The following CNTN4 variants were observed in gnomAD, a reference collection of about 807,000 sequenced individuals.
CNTN4 encodes contactin-4.
In CNTN4, 77 loss-of-function variants were observed where a neutral mutation model predicts 122.5. The ratio of observed to expected loss-of-function variants is 0.63; its 90% CI spans 0.52 to 0.76. CNTN4 has a LOEUF of 0.76. Ranked by LOEUF, CNTN4 falls within the 30% of genes least tolerant of loss-of-function variation. The probability of loss-of-function intolerance (pLI) is 0.00; values close to 1 mark genes in which losing one functional copy is unlikely to be tolerated. For missense variants in CNTN4, 1,256 were observed against 1,259.1 expected, an observed-to-expected ratio of 1.00 and a Z score of 0.04; for synonymous variants, 512 against 447.0, an observed-to-expected ratio of 1.15 and a Z score of -1.83.
chr3:2,506,265 T>G (rs1173631972), intron 3 of CNTN4, among the ~76,000 whole-genome samples: 1 of 152,152 alleles, frequency 6.6e-6, no homozygotes, highest in East Asian at 1.9e-4. Flanking sequence ...GAAAAGCCTC[T>G]GCTATCTACC....
At chr3:2,719,173 A>G (rs920355310) in intron 4 of CNTN4, among the ~76,000 whole-genome samples, 1 of 152,202 alleles carries the variant, frequency 6.6e-6, no homozygotes, top group African/African-American at 2.4e-5. Context: ...TACATGTGAA[A>G]CACGGTACGT....
intron 4 of CNTN4, among the ~76,000 whole-genome samples, chr3:2,712,567 G>C (rs1241732766): frequency 3.3e-5 from 5 of 152,178 alleles, no homozygotes; most frequent in Non-Finnish European, 7.3e-5. Flanking sequence ...AATAAACAGG[G>C]TGTAATGTTG....
intron 4 of CNTN4, among the ~76,000 whole-genome samples, chr3:2,634,206 C>G (rs1466849173): frequency 6.6e-6 from 1 of 152,152 alleles, no homozygotes; most frequent in Non-Finnish European, 1.5e-5. Flanking sequence ...GTATAAATAT[C>G]TTAACATTCA....
At chr3:2,412,873 G>C (rs1421038556) in intron 3 of CNTN4, among the ~76,000 whole-genome samples, 1 of 152,084 alleles carries the variant, frequency 6.6e-6, no homozygotes, top group East Asian at 1.9e-4. Context: ...ATTTATATTA[G>C]CTGTATCTTG....
intron 6 of CNTN4, among the ~76,000 whole-genome samples, chr3:2,758,595 C>G (rs1404313959): frequency 6.6e-6 from 1 of 150,420 alleles, no homozygotes; most frequent in East Asian, 1.9e-4. Flanking sequence ...TCACCTCTGC[C>G]TCCCAGGATC....
chr3:2,395,927 A>G (rs1005962277), intron 3 of CNTN4, among the ~76,000 whole-genome samples: 12 of 152,302 alleles, frequency 7.9e-5, no homozygotes, highest in Admixed American at 5.9e-4. Context: ...AGAAACTACT[A>G]CATGTGAATT....
intron 4 of CNTN4, among the ~76,000 whole-genome samples, chr3:2,619,205 A>G (rs916191820): frequency 6.6e-6 from 1 of 152,222 alleles, no homozygotes; most frequent in African/African-American, 2.4e-5. Flanking sequence ...ATAAGTGCAG[A>G]AGCAAACTAT....
At chr3:3,055,148 A>T (rs1271100200) in intron 24 of CNTN4, among the ~76,000 whole-genome samples, 2 of 152,020 alleles carry the variant, frequency 1.3e-5, no homozygotes, top group East Asian at 3.9e-4. Context: ...TAAAAGGGGG[A>T]CAATTGGATT....
intron 3 of CNTN4, among the ~76,000 whole-genome samples, chr3:2,507,164 A>G (rs1161852994): frequency 6.6e-6 from 1 of 152,108 alleles, no homozygotes; most frequent in African/African-American, 2.4e-5. Flanking sequence ...GTTCTTCGGT[A>G]TTCCAACTAT....
intron 13 of CNTN4, among the ~76,000 whole-genome samples, chr3:2,969,143 G>A (rs1212918676): frequency 6.6e-6 from 1 of 152,138 alleles, no homozygotes; most frequent in South Asian, 2.1e-4. Flanking sequence ...TTCAGGGTTT[G>A]CTGTATGTGC....
chr3:2,491,289 G>A (rs1436695595), intron 3 of CNTN4, among the ~76,000 whole-genome samples: 1 of 152,120 alleles, frequency 6.6e-6, no homozygotes, highest in African/African-American at 2.4e-5. Context: ...AAGAATTGAA[G>A]AACTGAATTA....
chr3:2,347,103 A>T (rs2044424375), intron 3 of CNTN4, among the ~76,000 whole-genome samples: 1 of 151,664 alleles, frequency 6.6e-6, no homozygotes, highest in African/African-American at 2.4e-5. Flanking sequence ...CTATTCTGCT[A>T]CTTAACTTTT....
intron 6 of CNTN4, among the ~76,000 whole-genome samples, chr3:2,776,737 T>C (rs552214072): frequency 6.6e-6 from 1 of 152,222 alleles, no homozygotes; most frequent in Non-Finnish European, 1.5e-5. Flanking sequence ...TATAGGTTCC[T>C]CTTGATTAAA....
At chr3:2,675,923 C>G (rs2084821176) in intron 4 of CNTN4, among the ~76,000 whole-genome samples, 2 of 152,140 alleles carry the variant, frequency 1.3e-5, no homozygotes, top group South Asian at 4.1e-4. Context: ...AACAAGAAAA[C>G]TGAGTCTTAG....
At chr3:2,263,319 T>C (rs1001244027) in intron 2 of CNTN4, among the ~76,000 whole-genome samples, 2 of 152,154 alleles carry the variant, frequency 1.3e-5, no homozygotes, top group Admixed American at 1.3e-4. Flanking sequence ...TAAATATTCA[T>C]TGAAAATGTA....
At chr3:2,654,739 C>G (rs1450245504) in intron 4 of CNTN4, among the ~76,000 whole-genome samples, 1 of 152,148 alleles carries the variant, frequency 6.6e-6, no homozygotes, top group East Asian at 1.9e-4. Flanking sequence ...TCCCCCCAGT[C>G]CTTTCTTACC....
At chr3:2,945,095 C>G (rs922272099) in intron 13 of CNTN4, among the ~76,000 whole-genome samples, 1 of 152,090 alleles carries the variant, frequency 6.6e-6, no homozygotes, top group Non-Finnish European at 1.5e-5. Flanking sequence ...CTTTAAGCTG[C>G]CCCATATTCT....
Position 2,563,462 on chromosome 3 carries a change from T to C in CNTN4, c.-88-7954T>C, listed in dbSNP as rs73108597. Among the ~76,000 whole-genome samples the C allele has an allele frequency of 9.4e-3, 1,430 of 152,314 alleles. 19 individuals carry two copies. Among genetic ancestry groups the C allele is most frequent in the African/African-American group, 0.033 (1,357 of 41,566 alleles). ...ACAGAAACTACTATATAGTAAATGC[T>C]GTTTAAATGGTATCTATTATTTATC... On this transcript the variant is annotated intron_variant, in intron 3 of 24. Coordinates refer to ENST00000418658, the MANE Select transcript of CNTN4 (RefSeq NM_175607.3).
intron 2 of CNTN4, among the ~76,000 whole-genome samples, chr3:2,317,890 C>G (rs1378655550): frequency 6.6e-6 from 1 of 152,132 alleles, no homozygotes; most frequent in Non-Finnish European, 1.5e-5. Flanking sequence ...TGTTATCTTA[C>G]TTTTGCATCA....
Sources: gnomAD v4.1 joint callset for allele counts (sites outside exome capture counted in the v4.1 genomes callset) on GRCh38, gnomAD v4.1.1 for gene constraint, MANE v1.5 for transcripts, NCBI Gene and HGNC (gene_info 2026-07-23, HGNC 2026-07-21) for gene names.